The following GALNTL6 variants were observed in gnomAD, a reference collection of about 807,000 sequenced individuals.
GALNTL6 encodes the protein polypeptide N-acetylgalactosaminyltransferase like 6.
Under a neutral mutation model 73.7 loss-of-function variants are expected in GALNTL6, and 46 were observed. The ratio of observed to expected loss-of-function variants is 0.62; its 90% confidence interval spans 0.49 to 0.80. GALNTL6 has a LOEUF of 0.80. Among genes scored for constraint, GALNTL6 ranks in the 30% least tolerant of loss-of-function variants. The pLI is 0.00. For synonymous variants in GALNTL6, 259 were observed against 263.7 expected, an observed-to-expected ratio of 0.98 and a Z score of 0.17; for missense variants, 604 against 755.0, an observed-to-expected ratio of 0.80 and a Z score of 2.34.
At chr4:171,964,851 A>T (rs1739339717) in intron 2 of GALNTL6, among the ~76,000 whole-genome samples, 1 of 152,300 alleles carries the variant, frequency 6.6e-6, no homozygotes, top group East Asian at 1.9e-4. Flanking sequence ...TCTTTCGCAG[A>T]GGCAGCCCAT....
At chr4:171,965,020 A>C (rs1739345769) in intron 2 of GALNTL6, among the ~76,000 whole-genome samples, 1 of 152,128 alleles carries the variant, frequency 6.6e-6, no homozygotes, top group South Asian at 2.1e-4. Context: ...CTTTTTAATA[A>C]ATTTCCTGCT....
intron 8 of GALNTL6, among the ~76,000 whole-genome samples, chr4:172,888,559 T>C (rs1745851218): frequency 6.6e-6 from 1 of 152,144 alleles, no homozygotes; most frequent in Admixed American, 6.5e-5. Flanking sequence ...AGAAGATCAG[T>C]TCATTGTAGG....
chr4:172,752,708 A>T (rs1737497650), intron 5 of GALNTL6, among the ~76,000 whole-genome samples: 3 of 152,156 alleles, frequency 2.0e-5, no homozygotes, highest in Non-Finnish European at 4.4e-5. Flanking sequence ...AGATTTTAAA[A>T]AATAATTTGA....
chr4:172,410,634 G>A (rs1744397511), intron 5 of GALNTL6, among the ~76,000 whole-genome samples: 2 of 152,024 alleles, frequency 1.3e-5, no homozygotes, highest in South Asian at 4.1e-4. Flanking sequence ...AACCAGAAAT[G>A]TAACTATACT....
At chr4:172,813,826 A>G in intron 7 of GALNTL6, 103 bp downstream of exon 7, 1 of 872,268 alleles carries the variant, frequency 1.1e-6, no homozygotes. Context: ...AAAATGGAAT[A>G]AAACAGGCGG....
intron 3 of GALNTL6, among the ~76,000 whole-genome samples, chr4:172,252,260 G>A (rs964078208): frequency 5.3e-5 from 8 of 152,074 alleles, no homozygotes; most frequent in Non-Finnish European, 1.2e-4. Flanking sequence ...TTGAGTTTAG[G>A]ATAAAGTCAT....
intron 5 of GALNTL6, among the ~76,000 whole-genome samples, chr4:172,370,297 G>T (rs1742747374): frequency 6.6e-6 from 1 of 152,030 alleles, no homozygotes; most frequent in East Asian, 1.9e-4. Context: ...TGACAAGAAG[G>T]TTAAAAATAG....
chr4:172,930,743 G>A (rs768987101), intron 8 of GALNTL6, among the ~76,000 whole-genome samples: 2 of 152,126 alleles, frequency 1.3e-5, no homozygotes, highest in Non-Finnish European at 2.9e-5. Context: ...GTGCAGTGGT[G>A]CAAACATAGC....
At chr4:172,582,473 A>G (rs1160729327) in intron 5 of GALNTL6, among the ~76,000 whole-genome samples, 1 of 152,156 alleles carries the variant, frequency 6.6e-6, no homozygotes, top group Non-Finnish European at 1.5e-5. Flanking sequence ...TGGGTTCCAC[A>G]TGGATGGATT....
chr4:172,848,977 C>G (rs77126101), intron 7 of GALNTL6, among the ~76,000 whole-genome samples: 3,759 of 152,162 alleles, frequency 0.025, 145 homozygotes, highest in African/African-American at 0.085. Flanking sequence ...AAAATGGTCA[C>G]TGAAAGTCTG....
chr4:172,520,979 CTAAATAGGTG>C (rs1360441218), intron 5 of GALNTL6, among the ~76,000 whole-genome samples: 3 of 151,834 alleles, frequency 2.0e-5, no homozygotes, highest in Non-Finnish European at 4.4e-5. Context: ...AGATTTTTCC[CTAAATAGGTG>C]TAAACAATTA....
intron 2 of GALNTL6, among the ~76,000 whole-genome samples, chr4:172,076,853 C>T (rs775190023): frequency 2.0e-5 from 3 of 152,150 alleles, no homozygotes; most frequent in Non-Finnish European, 4.4e-5. Context: ...TTTGTGTCCC[C>T]ACCAAAATCT....
intron 4 of GALNTL6, among the ~76,000 whole-genome samples, chr4:172,342,122 G>A (rs190338598): frequency 2.0e-3 from 298 of 152,098 alleles, no homozygotes; most frequent in Admixed American, 3.6e-3. Context: ...TTTTTGTGAT[G>A]GGTATTTTGT....
chr4:172,075,889 T>C (rs1047696430), intron 2 of GALNTL6, among the ~76,000 whole-genome samples: 1 of 152,176 alleles, frequency 6.6e-6, no homozygotes, highest in Non-Finnish European at 1.5e-5. Context: ...TCCTAGTGAG[T>C]GATGAATCCT....
At chr4:172,209,867 TTTGAGTAGTAACAAGACAA>T (rs1334840202) in intron 2 of GALNTL6, among the ~76,000 whole-genome samples, 22 of 152,192 alleles carry the variant, frequency 1.4e-4, no homozygotes, top group African/African-American at 5.3e-4. Flanking sequence ...GCATTAGAAT[TTTGAGTAGTAACAAGACAA>T]GTCAGTAAAT....
chr4:172,604,296 T>C (rs1420480064), intron 5 of GALNTL6, among the ~76,000 whole-genome samples: 1 of 152,270 alleles, frequency 6.6e-6, no homozygotes, highest in East Asian at 1.9e-4. Context: ...TATCTAGGTG[T>C]CTCTGTTATA....
chr4:172,241,756 G>A (rs1039078233), intron 3 of GALNTL6, among the ~76,000 whole-genome samples: 8 of 152,210 alleles, frequency 5.3e-5, no homozygotes, highest in South Asian at 2.1e-4. Context: ...AGCCACTAAC[G>A]TAGTCATATT....
chr4:172,833,293 TTTG>T (rs1397080521), intron 7 of GALNTL6, among the ~76,000 whole-genome samples: 3 of 105,182 alleles, frequency 2.9e-5, no homozygotes, highest in Non-Finnish European at 4.3e-5. Context: ...ATGTTGATAG[TTTG>T]TAGAAAAACT....
chr4:172,609,625 C>CTCTCTCTCTGTG (rs753051714), intron 5 of GALNTL6, among the ~76,000 whole-genome samples: 31 of 92,776 alleles, frequency 3.3e-4, no homozygotes, highest in South Asian at 5.1e-4. Context: ...CTCTCTCTCT[C>CTCTCTCTCTGTG]TGTGTGTGTG....
Sources: gnomAD v4.1 joint callset for allele counts (sites outside exome capture counted in the v4.1 genomes callset) on GRCh38, gnomAD v4.1.1 for gene constraint, MANE v1.5 for transcripts, NCBI Gene and HGNC (gene_info 2026-07-23, HGNC 2026-07-21) for gene names.